The following KMT2C variants were observed in gnomAD, a reference collection of about 807,000 sequenced individuals.
The protein encoded by KMT2C is lysine methyltransferase 2C.
A neutral mutation model predicts 507.9 loss-of-function variants in KMT2C; 88 were observed. The ratio of observed to expected loss-of-function variants is 0.17; its 90% CI spans 0.15 to 0.21. KMT2C has a LOEUF of 0.21. Ranked by LOEUF, KMT2C falls within the 10% of genes least tolerant of loss-of-function variation. The pLI, the probability that KMT2C is intolerant of heterozygous loss-of-function variation, is 1.00. For missense variants in KMT2C, 4,954 were observed against 5,957.8 expected (o/e 0.83, Z 5.55); for synonymous variants, 2,049 against 2,080.8 (o/e 0.98, Z 0.42).
chr7:152,213,751 A>T (rs1447199186), intron 23 of KMT2C, among the ~76,000 whole-genome samples: 4 of 137,178 alleles, frequency 2.9e-5, no homozygotes, highest in Admixed American at 1.4e-4. Context: ...GCATAGCAAT[A>T]AAAAAAAAAA....
chr7:152,218,640 T>TATTG (rs1436903396), intron 23 of KMT2C, among the ~76,000 whole-genome samples: 1 of 152,334 alleles, frequency 6.6e-6, no homozygotes, highest in East Asian at 1.9e-4. Context: ...GAACATTCAA[T>TATTG]GGCCTCCCAT....
rs373357622 is a variant in KMT2C at position 152,152,883 on chromosome 7, G to A, written c.12348C>T (p.Ser4116=). 2 of 1,614,066 alleles carry A rather than the reference G, an allele frequency of 1.2e-6. No individual in the cohort carries two copies. The highest frequency in any genetic ancestry group is 2.7e-5 in the African/African-American group (2 of 74,920). The change falls in exon 49 of 59, where the codon AGC becomes AGT. Residue 4116 remains serine (S), a synonymous_variant. Coordinates refer to ENST00000262189, the MANE Select transcript of KMT2C (RefSeq NM_170606.3). ...HVRIPNSYEV[S]SAPDVPSMGL... is the part of the protein sequence containing the mutation. ...CCATGGATGGGACATCTGGAGCACTGCTAACCTCATAGCTGTTAGGGATTC... is the reference window on the plus strand; with the variant it reads ...CCATGGATGGGACATCTGGAGCACTACTAACCTCATAGCTGTTAGGGATTC...
intron 20 of KMT2C, 75 bp downstream of exon 20, chr7:152,223,940 T>C: frequency 1.8e-6 from 2 of 1,131,282 alleles, no homozygotes; most frequent in Non-Finnish European, 1.3e-6. Flanking sequence ...AAGGAAAAGC[T>C]ATTTTCCATT....
At chr7:152,243,022 CT>C (rs1381368605) in intron 14 of KMT2C, among the ~76,000 whole-genome samples, 1 of 152,180 alleles carries the variant, frequency 6.6e-6, no homozygotes, top group Admixed American at 6.5e-5. Context: ...TACAGTTTGT[CT>C]TTTTGGTAAA....
chr7:152,288,376 A>C (rs2096345761), intron 6 of KMT2C, among the ~76,000 whole-genome samples: 1 of 151,870 alleles, frequency 6.6e-6, no homozygotes, highest in Admixed American at 6.6e-5. Context: ...TCTACTAAAA[A>C]TACAAAAATT....
intron 6 of KMT2C, among the ~76,000 whole-genome samples, chr7:152,292,309 C>T (rs1270865581): frequency 1.3e-5 from 2 of 151,992 alleles, no homozygotes; most frequent in African/African-American, 2.4e-5. Flanking sequence ...AAATAAGATG[C>T]CAGGGCAATA....
At position 152,262,350 on chromosome 7, in the gene KMT2C, A is replaced by G. The variant is rs1475228356; in HGVS notation, c.1299+666T>C. ...ACCTGAGGGTCATCTCCATCCCTCAACCTCGCAACACCAGCAGCCCAGGAA... is the reference window on the plus strand; with the variant it reads ...ACCTGAGGGTCATCTCCATCCCTCAGCCTCGCAACACCAGCAGCCCAGGAA... On this transcript the variant is annotated intron_variant, in intron 9 of 58. Coordinates refer to ENST00000262189, the MANE Select transcript of KMT2C (RefSeq NM_170606.3). Among the ~76,000 whole-genome samples the G allele has an allele frequency of 2.0e-5, 3 of 152,236 alleles. No individual in the cohort carries two copies. The East Asian group carries it at 5.8e-4, about 29-fold the overall frequency.
At chr7:152,232,417 A>T (rs1163789024) in intron 16 of KMT2C, among the ~76,000 whole-genome samples, 3 of 152,238 alleles carry the variant, frequency 2.0e-5, no homozygotes, top group Non-Finnish European at 4.4e-5. Flanking sequence ...AATAAATTGC[A>T]GAACAGTATT....
At chr7:152,382,077 T>C (rs1389435563) in intron 1 of KMT2C, among the ~76,000 whole-genome samples, 2 of 151,740 alleles carry the variant, frequency 1.3e-5, no homozygotes, top group Non-Finnish European at 3.0e-5. Flanking sequence ...ATTCAAATCC[T>C]TTTTTCAACT....
At chr7:152,331,084 A>G (rs1490047106) in intron 2 of KMT2C, among the ~76,000 whole-genome samples, 1 of 152,060 alleles carries the variant, frequency 6.6e-6, no homozygotes, top group Admixed American at 6.5e-5. Context: ...AAGGCAAGCA[A>G]ATCCCTTGAG....
intron 55 of KMT2C, among the ~76,000 whole-genome samples, chr7:152,142,036 A>C (rs1242423482): frequency 6.6e-6 from 1 of 152,210 alleles, no homozygotes; most frequent in Admixed American, 6.5e-5. Context: ...AAGAAGAAAG[A>C]AAATCAGTTA....
At chr7:152,329,670 AGGAGGGAGAAAGGGAG>A (rs746269344) in intron 3 of KMT2C, among the ~76,000 whole-genome samples, 4 of 138,900 alleles carry the variant, frequency 2.9e-5, no homozygotes, top group Non-Finnish European at 6.2e-5. Context: ...ATGGAGGGGA[AGGAGGGAGAAAGGGAG>A]GGAAGGAGGG....
chr7:152,257,009 A>C (rs1222227218), intron 9 of KMT2C, among the ~76,000 whole-genome samples: 1 of 152,210 alleles, frequency 6.6e-6, no homozygotes, highest in Non-Finnish European at 1.5e-5. Context: ...CTAGGAATTT[A>C]CCCTACAGAT....
intron 23 of KMT2C, among the ~76,000 whole-genome samples, chr7:152,209,454 C>CAA (rs71198766): frequency 0.078 from 5,531 of 70,840 alleles, 311 homozygotes; most frequent in East Asian, 0.2. Context: ...GACTCCGTCT[C>CAA]AAAAAAAAAA....
intron 56 of KMT2C, 60 bp from the exon 57 acceptor site, chr7:152,139,319 C>T: frequency 1.4e-6 from 2 of 1,474,410 alleles, no homozygotes; most frequent in Non-Finnish European, 1.9e-6. Context: ...CTCTGTGTTC[C>T]TATCCACACC....
chr7:152,271,543 T>C (rs533255627), intron 7 of KMT2C, among the ~76,000 whole-genome samples: 14 of 151,690 alleles, frequency 9.2e-5, no homozygotes, highest in Non-Finnish European at 1.8e-4. Context: ...TGTGATGGTA[T>C]GCGCCTGTAA....
intron 9 of KMT2C, among the ~76,000 whole-genome samples, chr7:152,255,106 CACTTATAT>C (rs1480836825): frequency 2.1e-4 from 16 of 75,476 alleles, no homozygotes; most frequent in African/African-American, 8.7e-4. Flanking sequence ...AATCAACTCT[CACTTATAT>C]ATATATATAT....
intron 1 of KMT2C, among the ~76,000 whole-genome samples, chr7:152,389,352 CAAAAAA>C (rs386411673): frequency 2.6e-5 from 2 of 77,674 alleles, no homozygotes; most frequent in Admixed American, 1.4e-4. Context: ...GACTCCGTCT[CAAAAAA>C]AAAAAAAAAA....
intron 7 of KMT2C, among the ~76,000 whole-genome samples, chr7:152,270,023 A>C (rs2095932356): frequency 1.3e-5 from 2 of 152,266 alleles, no homozygotes; most frequent in African/African-American, 4.8e-5. Flanking sequence ...CAGCAACAAA[A>C]GTCAAAATAG....
Sources: gnomAD v4.1 joint callset for allele counts (sites outside exome capture counted in the v4.1 genomes callset) on GRCh38, gnomAD v4.1.1 for gene constraint, MANE v1.5 for transcripts, NCBI Gene and HGNC (gene_info 2026-07-23, HGNC 2026-07-21) for gene names.